TTC7B: variants seen among roughly 807,000 people sequenced by gnomAD.
TTC7B encodes tetratricopeptide repeat protein 7B.
In TTC7B, 28 loss-of-function variants were observed where a neutral mutation model predicts 106.8. The ratio of observed to expected loss-of-function variants is 0.26; its 90% CI spans 0.19 to 0.36. TTC7B has a LOEUF of 0.36. TTC7B is among the 10% of genes least tolerant of loss of function. The pLI is 1.00. For missense variants in TTC7B, 862 were observed against 1,076.4 expected (o/e 0.80, Z 2.79); for synonymous variants, 405 against 430.6 (o/e 0.94, Z 0.74).
chr14:90,652,807 G>A, intron 13 of TTC7B, 34 bp downstream of exon 13: 1 of 1,611,078 alleles, frequency 6.2e-7, no homozygotes, highest in African/African-American at 1.3e-5. Context: ...GTGTCATTAT[G>A]TACAGCCGAG....
At chr14:90,789,984 G>A (rs1041863252) in intron 1 of TTC7B, among the ~76,000 whole-genome samples, 1 of 151,546 alleles carries the variant, frequency 6.6e-6, no homozygotes, top group Admixed American at 6.6e-5. Flanking sequence ...TTCATATTAA[G>A]TTTTCCAAAT....
chr14:90,671,867 G>C (rs544014350), intron 9 of TTC7B, among the ~76,000 whole-genome samples: 3 of 152,318 alleles, frequency 2.0e-5, no homozygotes, highest in African/African-American at 7.2e-5. Flanking sequence ...TGGGAGAGCA[G>C]CCTTCCATCT....
At position 90,701,908 on chromosome 14, in the gene TTC7B, GAGTCC is replaced by G. The variant is rs539499509; in HGVS notation, c.699-6335_699-6331del. ...CAATGGTAAGCCAGTCAGCAGACGTGAGTCCTCATGAACTTGTATTTTAATGATGT... is the reference window on the plus strand; with the variant it reads ...CAATGGTAAGCCAGTCAGCAGACGTGTCATGAACTTGTATTTTAATGATGT... On this transcript the variant is annotated intron_variant, in intron 5 of 19. Coordinates refer to ENST00000328459, the MANE Select transcript of TTC7B (RefSeq NM_001010854.2). Among the ~76,000 whole-genome samples the G allele has an allele frequency of 7.2e-4, 110 of 151,942 alleles. 1 individual carries two copies. Among genetic ancestry groups the G allele is most frequent in the African/African-American group, 2.6e-3 (109 of 41,446 alleles).
chr14:90,766,756 C>T, intron 3 of TTC7B: 1 of 1,568,082 alleles, frequency 6.4e-7, no homozygotes, highest in Non-Finnish European at 8.7e-7. Context: ...GAATCCATGC[C>T]AGTACAAGAT....
chr14:90,620,548 T>C (rs766800524), intron 15 of TTC7B, among the ~76,000 whole-genome samples: 23 of 152,200 alleles, frequency 1.5e-4, no homozygotes, highest in Middle Eastern at 6.8e-3. Flanking sequence ...TGCCAAGCAA[T>C]TGCGGCAAGG....
At chr14:90,618,580 G>T (rs1893182932) in intron 15 of TTC7B, among the ~76,000 whole-genome samples, 1 of 152,184 alleles carries the variant, frequency 6.6e-6, no homozygotes, top group Non-Finnish European at 1.5e-5. Flanking sequence ...GCTACTGAGG[G>T]CCTAGGGCTC....
At chr14:90,666,663 T>G (rs1394853796) in intron 9 of TTC7B, among the ~76,000 whole-genome samples, 1 of 152,176 alleles carries the variant, frequency 6.6e-6, no homozygotes, top group Non-Finnish European at 1.5e-5. Context: ...ATGTTGGAAA[T>G]AAAGCAAATG....
Position 90,536,031 on chromosome 14 carries a change from G to T in TTC7B, c.*5337C>A, listed in dbSNP as rs11629308. 3.0e-3 allele frequency: 455 copies of T among 154,150 alleles called. 2 individuals are homozygous for T. Among genetic ancestry groups the T allele is most frequent in the South Asian group, 5.8e-3 (28 of 4,848 alleles). 9.5% of individuals were successfully genotyped at this position (154,150 alleles called of 1,614,324 possible). ...CAAATATAGTCACACAGGGGCGGGG[G>T]CTCCACCCTATGAATCTGGGGGAGC... On this transcript the variant is annotated 3_prime_UTR_variant, in exon 20 of 20. Coordinates refer to ENST00000328459, the MANE Select transcript of TTC7B (RefSeq NM_001010854.2).
intron 3 of TTC7B, among the ~76,000 whole-genome samples, chr14:90,758,395 A>C (rs1184271474): frequency 1.7e-4 from 14 of 81,618 alleles, no homozygotes; most frequent in African/African-American, 6.5e-4. Flanking sequence ...GGGGCAAGAG[A>C]GTGGGGCGGG....
chr14:90,605,513 T>A, intron 17 of TTC7B: 1 of 1,074,482 alleles, frequency 9.3e-7, no homozygotes. Flanking sequence ...AAGTTTCCTC[T>A]CCAGCTTATC....
At chr14:90,704,655 C>T (rs1630377) in intron 5 of TTC7B, among the ~76,000 whole-genome samples, 50,257 of 152,110 alleles carry the variant, frequency 0.33, 8,658 homozygotes, top group Middle Eastern at 0.39. Flanking sequence ...CTGCAAAGAA[C>T]GGGATGGGAT....
At position 90,745,255 on chromosome 14, in the gene TTC7B, C is replaced by A. The variant is rs1227406585; in HGVS notation, c.446-333G>T. Among the ~76,000 whole-genome samples the A allele has an allele frequency of 2.0e-5, 3 of 147,794 alleles. No homozygotes were observed. In the East Asian group the frequency reaches 5.9e-4, roughly 29 times the overall value. ...AGACTGCAGTGAGCCATGACTGCAC[C>A]ACTGCACTCCAGCCTGGGCAATAGA... On this transcript the variant is annotated intron_variant, in intron 3 of 19. Coordinates refer to ENST00000328459, the MANE Select transcript of TTC7B (RefSeq NM_001010854.2).
At chr14:90,548,768 T>C (rs750615006) in intron 19 of TTC7B, among the ~76,000 whole-genome samples, 11 of 152,258 alleles carry the variant, frequency 7.2e-5, no homozygotes, top group Non-Finnish European at 1.6e-4. Flanking sequence ...TGAGCGTGGG[T>C]CTGTCTGCCT....
chr14:90,654,689 G>A (rs1328014245), intron 12 of TTC7B, among the ~76,000 whole-genome samples: 2 of 152,162 alleles, frequency 1.3e-5, no homozygotes, highest in Non-Finnish European at 2.9e-5. Context: ...ACAGGGGCAG[G>A]TGCAAGGCTA....
At chr14:90,723,970 T>A (rs1317259964) in intron 5 of TTC7B, among the ~76,000 whole-genome samples, 2 of 152,144 alleles carry the variant, frequency 1.3e-5, no homozygotes, top group African/African-American at 2.4e-5. Context: ...TATAGGAACA[T>A]CCCCAGATGT....
intron 5 of TTC7B, among the ~76,000 whole-genome samples, chr14:90,719,001 C>T (rs1888773221): frequency 1.3e-5 from 2 of 152,166 alleles, no homozygotes; most frequent in South Asian, 4.1e-4. Flanking sequence ...TGGCTTGCGC[C>T]TGTAATCCCA....
chr14:90,646,809 G>GA (rs1885476042), intron 14 of TTC7B, 142 bp downstream of exon 14: 1 of 772,062 alleles, frequency 1.3e-6, no homozygotes, highest in Middle Eastern at 2.9e-4. Flanking sequence ...GCTCTTTGCT[G>GA]AAACCTCTGA....
chr14:90,660,995 G>A (rs960946604), intron 9 of TTC7B, among the ~76,000 whole-genome samples: 7 of 152,198 alleles, frequency 4.6e-5, no homozygotes, highest in African/African-American at 7.2e-5. Flanking sequence ...GTGGCTGGGC[G>A]AGGCCTCCAG....
Position 90,795,287 on chromosome 14 carries a change from G to A in TTC7B, c.122-8959C>T, listed in dbSNP as rs148882571. Among the ~76,000 whole-genome samples the A allele has an allele frequency of 3.3e-3, 499 of 152,326 alleles. 4 individuals carry two copies. The highest frequency in any genetic ancestry group is 0.011 in the African/African-American group (466 of 41,574). On this transcript the variant is annotated intron_variant, in intron 1 of 19. Transcript: ENST00000328459. ...GGCAACAAAGAACAGTGACCCGTGA[G>A]AGCTGGGTAACAAACAAGGTGAGCC...
Sources: gnomAD v4.1 joint callset for allele counts (sites outside exome capture counted in the v4.1 genomes callset) on GRCh38, gnomAD v4.1.1 for gene constraint, MANE v1.5 for transcripts, NCBI Gene and HGNC (gene_info 2026-07-23, HGNC 2026-07-21) for gene names.